B4GALT4: variants seen among roughly 807,000 people sequenced by gnomAD.
B4GALT4 encodes the protein beta-1,4-galactosyltransferase 4.
A neutral mutation model predicts 37.3 loss-of-function variants in B4GALT4; 27 were observed. That is an observed-to-expected ratio of 0.72 (90% CI 0.53 to 1.00). The LOEUF is 1.00. Among genes scored for constraint, B4GALT4 ranks in the 50% least tolerant of loss-of-function variants. The probability of loss-of-function intolerance (pLI) is 0.00; values close to 1 mark genes in which losing one functional copy is unlikely to be tolerated. For synonymous variants in B4GALT4, 148 were observed against 154.1 expected (o/e 0.96, Z 0.29); for missense variants, 372 against 413.1 (o/e 0.90, Z 0.86).
chr3:119,234,075 C>T (rs1418068852), intron 2 of B4GALT4, among the ~76,000 whole-genome samples: 1 of 152,174 alleles, frequency 6.6e-6, no homozygotes, highest in East Asian at 1.9e-4. Flanking sequence ...AGATGATGCA[C>T]CCAAGTACAC....
chr3:119,224,224 G>C lies in B4GALT4; in HGVS notation c.508C>G (p.Arg170Gly), dbSNP rs773571617. 6.2e-7 allele frequency: 1 copy of C among 1,606,900 alleles called. No individual in the cohort carries two copies. The highest frequency in any genetic ancestry group is 8.5e-7 in the Non-Finnish European group (1 of 1,177,632). ...TAGCCCACATTCAAGAGTTTGGCTC[G>C]ATTAAACTTTTTACCTTCAGCCTAG... ...IHQAEGKKFN[R>G]AKLLNVGYLE... The change falls in exon 5 of 8, where the codon CGA becomes GGA. Residue 170 changes from arginine to glycine, a missense_variant. Physicochemically the swap from Arg to Gly is moderately radical, Grantham distance 125. Coordinates refer to ENST00000393765, the MANE Select transcript of B4GALT4 (RefSeq NM_003778.4).
chr3:119,240,632 G>C (rs13066681), intron 1 of B4GALT4: 4,214 of 152,284 alleles, frequency 0.028, 81 homozygotes, highest in Non-Finnish European at 0.044. Flanking sequence ...GCCAGCACCT[G>C]AGCCGGTGCC....
Position 119,229,998 on chromosome 3 carries a change from G to C in B4GALT4, c.102C>G (p.Phe34Leu), listed in dbSNP as rs34746912. 4 of 1,614,020 alleles carry C rather than the reference G, an allele frequency of 2.5e-6. No homozygotes were observed. In the African/African-American group the frequency reaches 5.3e-5, roughly 22 times the overall value. The change falls in exon 3 of 8, where the codon TTC (phenylalanine) becomes TTG (leucine). Residue 34 changes from phenylalanine to leucine, a missense_variant. Transcript: ENST00000393765. ...TVVGWATSNY[F>L]VGAIQEIPKA... ...TAGGAATCTCTTGAATGGCACCCAC[G>C]AAGTAGTTACTGGTGGCCCACCCAA...
At chr3:119,235,002 T>C (rs2078942851) in intron 2 of B4GALT4, 1 of 152,248 alleles carries the variant, frequency 6.6e-6, no homozygotes, top group Non-Finnish European at 1.5e-5. Context: ...CTAGTCTTTG[T>C]ACTCAGGGTT....
chr3:119,221,848 A>G lies in B4GALT4; in HGVS notation c.674+2210T>C, dbSNP rs538103901. ...AAGAAAACCTGTCAGTTACTCAACAAAGGCTTTCTGATACCTAGTTATAAA... is the reference window on the plus strand; with the variant it reads ...AAGAAAACCTGTCAGTTACTCAACAGAGGCTTTCTGATACCTAGTTATAAA... On this transcript the variant is annotated intron_variant, in intron 5 of 7. Transcript: ENST00000393765. Among the ~76,000 whole-genome samples the G allele has an allele frequency of 4.4e-4, 67 of 152,340 alleles. 1 individual carries two copies. Among genetic ancestry groups the G allele is most frequent in the Admixed American group, 3.7e-3 (57 of 15,302 alleles).
intron 6 of B4GALT4, 50 bp downstream of exon 6, chr3:119,218,600 G>A: frequency 1.2e-6 from 2 of 1,611,924 alleles, no homozygotes; most frequent in Non-Finnish European, 1.7e-6. Flanking sequence ...GGTCTCCAGA[G>A]CCACACTGAG....
At chr3:119,236,518 G>A (rs916621505) in intron 2 of B4GALT4, among the ~76,000 whole-genome samples, 4 of 152,184 alleles carry the variant, frequency 2.6e-5, no homozygotes, top group Admixed American at 1.3e-4. Context: ...GGTATAACCT[G>A]AGTCAACAAA....
chr3:119,230,141 G>C lies in B4GALT4; in HGVS notation c.-42C>G. ...ATAATATCTATCTCTCTGCTTCACT[G>C]CAGGCAAGAAAGCTTCAAGTTGAGC... is the stretch of plus-strand genomic sequence containing the variant. On this transcript the variant is annotated 5_prime_UTR_variant, in exon 3 of 8. Coordinates refer to ENST00000393765, the MANE Select transcript of B4GALT4 (RefSeq NM_003778.4). The C allele has an allele frequency of 1.2e-6, 2 of 1,604,038 alleles. No individual in the cohort carries two copies. The highest frequency in any genetic ancestry group is 1.7e-6 in the Non-Finnish European group (2 of 1,174,102).
At position 119,216,285 on chromosome 3, in the gene B4GALT4, A is replaced by G. The variant is rs1215352805; in HGVS notation, c.857T>C (p.Met286Thr). 6 of 1,613,812 alleles carry G rather than the reference A, an allele frequency of 3.7e-6. No homozygotes were observed. The highest frequency in any genetic ancestry group is 5.1e-6 in the Non-Finnish European group (6 of 1,179,906). Residue 286 changes from methionine (M) to threonine (T), a missense_variant, in exon 7 of 8, where the codon ATG (methionine) becomes ACG (threonine). Physicochemically the swap from Met to Thr is moderately conservative, Grantham distance 81 (BLOSUM62 -1). Transcript: ENST00000393765. ...GCCTTTGTCTCTAGTGTGGAAGACCATTGTATATTTACCCACTTCAGGCAG... is the reference window on the plus strand; with the variant it reads ...GCCTTTGTCTCTAGTGTGGAAGACCGTTGTATATTTACCCACTTCAGGCAG... Reference protein sequence around the residue: ...RPLPEVGKYTMVFHTRDKGNE... With the variant: ...RPLPEVGKYTTVFHTRDKGNE...
At chr3:119,239,104 T>C (rs904289390) in intron 1 of B4GALT4, among the ~76,000 whole-genome samples, 1 of 152,110 alleles carries the variant, frequency 6.6e-6, no homozygotes, top group Non-Finnish European at 1.5e-5. Context: ...GGCAAATGGA[T>C]CACTTGGGGT....
At chr3:119,219,028 G>A (rs778401309) in intron 5 of B4GALT4, among the ~76,000 whole-genome samples, 10 of 151,988 alleles carry the variant, frequency 6.6e-5, no homozygotes, top group South Asian at 2.1e-4. Context: ...GTGTGTAGAG[G>A]CCTATAGAGA....
chr3:119,231,220 T>G (rs2078803889), intron 2 of B4GALT4, among the ~76,000 whole-genome samples: 1 of 152,180 alleles, frequency 6.6e-6, no homozygotes, highest in Non-Finnish European at 1.5e-5. Context: ...GGCTATGCTC[T>G]TAATTATTGA....
chr3:119,225,686 C>G (rs149043836), intron 4 of B4GALT4, among the ~76,000 whole-genome samples: 1 of 152,266 alleles, frequency 6.6e-6, no homozygotes, highest in African/African-American at 2.4e-5. Flanking sequence ...ACCTTGGCCT[C>G]CCAAAGTGCT....
chr3:119,217,593 C>T (rs1239767297), intron 6 of B4GALT4, among the ~76,000 whole-genome samples: 1 of 152,172 alleles, frequency 6.6e-6, no homozygotes, highest in Non-Finnish European at 1.5e-5. Context: ...GTAATCCCAA[C>T]ACTTTGGGAG....
At chr3:119,214,469 GA>G (rs2078240132) in intron 7 of B4GALT4, 1 of 152,138 alleles carries the variant, frequency 6.6e-6, no homozygotes, top group Non-Finnish European at 1.5e-5. Context: ...GAAGAGCCTA[GA>G]ACATTTCATC....
intron 7 of B4GALT4, chr3:119,212,946 G>C (rs991133039): frequency 8.6e-6 from 3 of 350,238 alleles, no homozygotes; most frequent in African/African-American, 6.4e-5. Flanking sequence ...AGGACAGAAG[G>C]ATGTGCAAGG....
chr3:119,235,942 C>G (rs556017886), intron 2 of B4GALT4, among the ~76,000 whole-genome samples: 1 of 152,192 alleles, frequency 6.6e-6, no homozygotes, highest in East Asian at 1.9e-4. Flanking sequence ...TTCTTAAATT[C>G]CAACTAGTAA....
intron 2 of B4GALT4, among the ~76,000 whole-genome samples, chr3:119,233,744 A>G (rs2078896526): frequency 6.6e-6 from 1 of 152,246 alleles, no homozygotes; most frequent in South Asian, 2.1e-4. Flanking sequence ...ATTATTAATA[A>G]TTACTTAAGT....
chr3:119,228,918 A>G (rs1331257831), intron 3 of B4GALT4, among the ~76,000 whole-genome samples: 2 of 131,506 alleles, frequency 1.5e-5, no homozygotes, highest in East Asian at 2.3e-4. Flanking sequence ...GTGTGCGCAC[A>G]CACACCAAGG....
Sources: allele counts gnomAD v4.1 joint callset (sites outside exome capture counted in the v4.1 genomes callset), GRCh38; gene constraint gnomAD v4.1.1; transcripts MANE v1.5; gene names NCBI Gene and HGNC (gene_info 2026-07-23, HGNC 2026-07-21).